CDH17: variants seen among roughly 807,000 people sequenced by gnomAD.
The protein encoded by CDH17 is cadherin-17.
A neutral mutation model predicts 86.3 loss-of-function variants in CDH17; 67 were observed. The observed-to-expected ratio is 0.78, with a 90% confidence interval of 0.64 to 0.95. The LOEUF (loss-of-function observed/expected upper bound fraction) is 0.95. CDH17 is among the 40% of genes least tolerant of loss of function. The pLI is 0.00. For missense variants in CDH17, 993 were observed against 1,017.6 expected, an observed-to-expected ratio of 0.98 and a Z score of 0.33; for synonymous variants, 367 against 366.4, an observed-to-expected ratio of 1.00 and a Z score of -0.02.
intron 15 of CDH17, among the ~76,000 whole-genome samples, chr8:94,143,344 A>T (rs1412674927): frequency 1.3e-5 from 2 of 152,236 alleles, no homozygotes; most frequent in Non-Finnish European, 2.9e-5. Flanking sequence ...ACTATGCTGT[A>T]AACAGATGTG....
upstream of CDH17, among the ~76,000 whole-genome samples, chr8:94,213,266 C>G (rs1563595262): frequency 6.6e-6 from 1 of 152,240 alleles, no homozygotes; most frequent in Non-Finnish European, 1.5e-5. Context: ...GCCACCATGC[C>G]TGGCTGGCAC....
At chr8:94,140,727 C>T (rs998441411) in intron 15 of CDH17, among the ~76,000 whole-genome samples, 2 of 152,020 alleles carry the variant, frequency 1.3e-5, no homozygotes, top group Non-Finnish European at 2.9e-5. Flanking sequence ...GGTGATATCA[C>T]TACATATTCT....
At chr8:94,213,838 G>A (rs1814158227) in intron 1 of CDH17, among the ~76,000 whole-genome samples, 1 of 151,956 alleles carries the variant, frequency 6.6e-6, no homozygotes, top group South Asian at 2.1e-4. Context: ...CTTTACCCCG[G>A]CTTCCTTGCC....
chr8:94,216,389 A>G (rs536492148), intron 1 of CDH17, among the ~76,000 whole-genome samples: 2 of 152,242 alleles, frequency 1.3e-5, no homozygotes, highest in East Asian at 3.9e-4. Flanking sequence ...GGGAGAGACC[A>G]TCTGGCTCTA....
chr8:94,201,103 T>C (rs2340034), intron 1 of CDH17, among the ~76,000 whole-genome samples: 1 of 152,100 alleles, frequency 6.6e-6, no homozygotes, highest in African/African-American at 2.4e-5. Flanking sequence ...AAAGGTTTTT[T>C]CCCCCTACTT....
chr8:94,192,899 C>A (rs1029454177), intron 2 of CDH17, among the ~76,000 whole-genome samples: 1 of 152,216 alleles, frequency 6.6e-6, no homozygotes, highest in East Asian at 1.9e-4. Flanking sequence ...GATCTACTCG[C>A]AGTCTGGAGT....
intron 3 of CDH17, among the ~76,000 whole-genome samples, chr8:94,186,892 A>T (rs1259959725): frequency 6.6e-6 from 1 of 152,192 alleles, no homozygotes; most frequent in African/African-American, 2.4e-5. Flanking sequence ...GCAGGCATGC[A>T]GACCTTTGAC....
intron 9 of CDH17, among the ~76,000 whole-genome samples, chr8:94,167,261 C>A (rs1813175118): frequency 6.6e-6 from 1 of 152,114 alleles, no homozygotes; most frequent in Non-Finnish European, 1.5e-5. Flanking sequence ...CAGCTCTGGG[C>A]AAGTTCTGAC....
intron 3 of CDH17, among the ~76,000 whole-genome samples, chr8:94,187,101 A>G (rs1813596071): frequency 6.6e-6 from 1 of 152,216 alleles, no homozygotes; most frequent in African/African-American, 2.4e-5. Context: ...TTTGAAATTG[A>G]TCATTCTTAG....
chr8:94,158,635 T>C (rs1444484205), intron 12 of CDH17, among the ~76,000 whole-genome samples: 1 of 152,176 alleles, frequency 6.6e-6, no homozygotes, highest in Non-Finnish European at 1.5e-5. Context: ...GTATTCTCTC[T>C]CCATGCAGAC....
At chr8:94,130,161 C>T (rs764031275) in intron 17 of CDH17, among the ~76,000 whole-genome samples, 38 of 152,270 alleles carry the variant, frequency 2.5e-4, no homozygotes, top group East Asian at 1.9e-4. Context: ...GGGTTCTATG[C>T]ATAGGGAAGT....
intron 13 of CDH17, among the ~76,000 whole-genome samples, chr8:94,151,518 TA>T (rs888325686): frequency 6.6e-6 from 1 of 152,204 alleles, no homozygotes; most frequent in African/African-American, 2.4e-5. Flanking sequence ...AACCCTTTCC[TA>T]AACCCTAGCC....
At chr8:94,186,177 T>C (rs1001185600) in intron 3 of CDH17, among the ~76,000 whole-genome samples, 2 of 152,154 alleles carry the variant, frequency 1.3e-5, no homozygotes, top group Admixed American at 1.3e-4. Context: ...CCTCTCCACC[T>C]GGCTGCCCCA....
intron 10 of CDH17, among the ~76,000 whole-genome samples, chr8:94,164,360 C>G (rs929304396): frequency 6.6e-6 from 1 of 152,208 alleles, no homozygotes; most frequent in African/African-American, 2.4e-5. Context: ...ATGAGTGCTC[C>G]TTGAGGACAG....
chr8:94,183,946 G>A (rs910248662), intron 3 of CDH17, among the ~76,000 whole-genome samples: 2 of 151,464 alleles, frequency 1.3e-5, no homozygotes, highest in African/African-American at 4.9e-5. Context: ...ATAGTCAATT[G>A]CCCCATGAAA....
At chr8:94,149,358 C>G (rs376634411) in intron 13 of CDH17, among the ~76,000 whole-genome samples, 1 of 152,190 alleles carries the variant, frequency 6.6e-6, no homozygotes, top group African/African-American at 2.4e-5. Flanking sequence ...CCTCATCCAA[C>G]AAACATCTAT....
rs1404380829 is a variant in CDH17 at position 94,162,084 on chromosome 8, A to C, written c.1359+2T>G. The C allele has an allele frequency of 6.5e-7, 1 of 1,527,726 alleles. No individual in the cohort carries two copies. Among genetic ancestry groups the C allele is most frequent in the South Asian group, 1.1e-5 (1 of 89,194 alleles). 94.6% of individuals were successfully genotyped at this position (1,527,726 alleles called of 1,614,324 possible). ...AAAAAACAAATAATGACAACTACTCACATCTGATTTTTCAAAGATGGGGAT... is the reference window on the plus strand; with the variant it reads ...AAAAAACAAATAATGACAACTACTCCCATCTGATTTTTCAAAGATGGGGAT... On this transcript the variant is annotated splice_donor_variant, in intron 11 of 17. Transcript: ENST00000027335. LOFTEE classifies it high-confidence loss of function.
At position 94,152,240 on chromosome 8, in the gene CDH17, G is replaced by A. The variant is rs1014175260; in HGVS notation, c.1552-128C>T. On this transcript the variant is annotated intron_variant, in intron 12 of 17. Transcript: ENST00000027335. The stretch of plus-strand genomic sequence containing the variant: ...TGGAAAAACTGGATATCCACATGTG[G>A]GAGAATGAAATTAGACTATTTCATA... 1.8e-5 allele frequency: 17 copies of A among 956,010 alleles called. No homozygotes were observed. In the African/African-American group the frequency reaches 2.2e-4, roughly 12 times the overall value. 59.2% of individuals were successfully genotyped at this position (956,010 alleles called of 1,614,324 possible). A position where few individuals can be genotyped will look rare whatever the true frequency, so the allele number is the denominator to read the frequency against.
intron 13 of CDH17, among the ~76,000 whole-genome samples, chr8:94,149,121 C>G (rs1213817625): frequency 6.6e-6 from 1 of 152,062 alleles, no homozygotes; most frequent in African/African-American, 2.4e-5. Context: ...AGGATTTGTT[C>G]ATCCTTACAA....
Sources: allele counts gnomAD v4.1 joint callset (sites outside exome capture counted in the v4.1 genomes callset), GRCh38; gene constraint gnomAD v4.1.1; transcripts MANE v1.5; gene names NCBI Gene and HGNC (gene_info 2026-07-23, HGNC 2026-07-21).